Variants in TMEM135 observed in about 807,000 individuals in gnomAD.
The protein encoded by TMEM135 is peroxisomal membrane protein 52.
TMEM135 carries 30 observed loss-of-function variants against 60.3 expected under a neutral mutation model. The ratio of observed to expected loss-of-function variants is 0.50; its 90% CI spans 0.37 to 0.68. TMEM135 has a LOEUF of 0.68. Ranked by LOEUF, TMEM135 falls within the 30% of genes least tolerant of loss-of-function variation. TMEM135 has a pLI of 0.00. For synonymous variants in TMEM135, 190 were observed against 186.7 expected, an observed-to-expected ratio of 1.02 and a Z score of -0.14; for missense variants, 468 against 548.8, an observed-to-expected ratio of 0.85 and a Z score of 1.47.
chr11:87,038,289 G>A, intron 1 of TMEM135, 103 bp downstream of exon 1: 3 of 1,483,840 alleles, frequency 2.0e-6, no homozygotes, highest in Admixed American at 1.8e-5. Context: ...GCCTTGTGTC[G>A]GGCTCTCTTT....
chr11:87,224,134 A>C (rs1940714448), intron 5 of TMEM135, among the ~76,000 whole-genome samples: 1 of 152,242 alleles, frequency 6.6e-6, no homozygotes, highest in South Asian at 2.1e-4. Flanking sequence ...CTAATATGTG[A>C]GTAACGTACT....
intron 3 of TMEM135, among the ~76,000 whole-genome samples, chr11:87,072,484 A>G (rs1280982480): frequency 6.6e-6 from 1 of 152,022 alleles, no homozygotes; most frequent in East Asian, 1.9e-4. Flanking sequence ...GAGTTCAAGC[A>G]ATTCTCCTAT....
chr11:87,208,135 A>G lies in TMEM135; in HGVS notation c.463-28503A>G, dbSNP rs544203532. Reference sequence around the variant, plus strand: ...ACATCAGTGCTCACAGATGAGAAAGAACCAGCCAAGAATTCTGGAAGCTCT... The same window carrying G: ...ACATCAGTGCTCACAGATGAGAAAGGACCAGCCAAGAATTCTGGAAGCTCT... On this transcript the variant is annotated intron_variant, in intron 5 of 14. Coordinates refer to ENST00000305494, the MANE Select transcript of TMEM135 (RefSeq NM_022918.4). 2.2e-3 allele frequency among the ~76,000 whole-genome samples: 337 copies of G among 152,330 alleles called. 1 individual carries two copies. The highest frequency in any genetic ancestry group is 2.9e-3 in the Non-Finnish European group (194 of 68,030).
intron 5 of TMEM135, 42 bp from the exon 6 acceptor site, chr11:87,236,593 ATGT>A (rs2135373695): frequency 1.9e-6 from 3 of 1,561,612 alleles, no homozygotes; most frequent in Non-Finnish European, 2.6e-6. Context: ...TCAAATGGTG[ATGT>A]CAGTGTTCTT....
intron 6 of TMEM135, among the ~76,000 whole-genome samples, chr11:87,261,370 T>C (rs1162053930): frequency 1.3e-5 from 2 of 152,214 alleles, no homozygotes; most frequent in African/African-American, 4.8e-5. Flanking sequence ...CTGTTAATTA[T>C]TTAGTAGATG....
intron 6 of TMEM135, among the ~76,000 whole-genome samples, chr11:87,238,412 C>T (rs973091288): frequency 2.6e-5 from 4 of 151,904 alleles, no homozygotes; most frequent in African/African-American, 7.3e-5. Flanking sequence ...ACATAGATGA[C>T]GAGTCAAGGT....
intron 5 of TMEM135, among the ~76,000 whole-genome samples, chr11:87,196,125 A>G (rs1297886432): frequency 6.6e-6 from 1 of 152,160 alleles, no homozygotes; most frequent in African/African-American, 2.4e-5. Flanking sequence ...AGTTTTTAAA[A>G]TGTTCCTTTA....
chr11:87,236,785 AC>A (rs1235056680), intron 6 of TMEM135, 101 bp downstream of exon 6: 3 of 1,193,422 alleles, frequency 2.5e-6, no homozygotes, highest in African/African-American at 3.0e-5. Context: ...ATTATCCCTT[AC>A]AAGCAGCATA....
rs769384908 is a variant in TMEM135, at chr11:87,327,622, A to G, written c.*6289A>G. The stretch of plus-strand genomic sequence containing the variant: ...CTCATGTGATTGTGGAGGCTGAGAA[A>G]CCCCACCACAGGCCATTCATAACCT... On this transcript the variant is annotated 3_prime_UTR_variant, in exon 15 of 15. Transcript: ENST00000305494. The G allele has an allele frequency of 8.8e-6, 4 of 452,898 alleles. No individual in the cohort carries two copies. The highest frequency in any genetic ancestry group is 6.2e-5 in the South Asian group (4 of 64,394). 28.1% of individuals were successfully genotyped at this position (452,898 alleles called of 1,614,324 possible). A position where few individuals can be genotyped will look rare whatever the true frequency, so the allele number is the denominator to read the frequency against.
intron 5 of TMEM135, among the ~76,000 whole-genome samples, chr11:87,228,782 T>C (rs1940823074): frequency 6.6e-6 from 1 of 152,194 alleles, no homozygotes; most frequent in Non-Finnish European, 1.5e-5. Flanking sequence ...GGATATATGT[T>C]TTAACCACTT....
chr11:87,071,668 A>G lies in TMEM135; in HGVS notation c.362+53A>G, dbSNP rs545868308. The G allele has an allele frequency of 9.5e-6, 13 of 1,373,218 alleles. No individual in the cohort carries two copies. The East Asian group carries it at 2.7e-4, about 29-fold the overall frequency. 85.1% of individuals were successfully genotyped at this position (1,373,218 alleles called of 1,614,324 possible). Reference sequence around the variant, plus strand: ...AACTGATTACCTGTCCCCTACCCCAACTATAATTTTTTTTTTTTTAATTAT... The same window carrying G: ...AACTGATTACCTGTCCCCTACCCCAGCTATAATTTTTTTTTTTTTAATTAT... On this transcript the variant is annotated intron_variant, in intron 3 of 14. Coordinates refer to ENST00000305494, the MANE Select transcript of TMEM135 (RefSeq NM_022918.4).
At position 87,257,843 on chromosome 11, in the gene TMEM135, G is replaced by A. The variant is rs182772964; in HGVS notation, c.509+21159G>A. On this transcript the variant is annotated intron_variant, in intron 6 of 14. Transcript: ENST00000305494. Reference sequence around the variant, plus strand: ...ATACCAGAAACCACTGACTGATACAGTTTAGATAGTGAATTGTATAATATT... The same window carrying A: ...ATACCAGAAACCACTGACTGATACAATTTAGATAGTGAATTGTATAATATT... Among the ~76,000 whole-genome samples the A allele has an allele frequency of 4.4e-3, 662 of 152,002 alleles. 5 individuals are homozygous for A. Among genetic ancestry groups the A allele is most frequent in the Admixed American group, 7.5e-3 (114 of 15,268 alleles).
At chr11:87,054,481 A>G (rs1329842188) in intron 1 of TMEM135, among the ~76,000 whole-genome samples, 9 of 152,208 alleles carry the variant, frequency 5.9e-5, no homozygotes, top group Non-Finnish European at 2.9e-5. Context: ...AATGGACCTT[A>G]AATAATTTAT....
At chr11:87,253,764 G>A (rs1249486649) in intron 6 of TMEM135, among the ~76,000 whole-genome samples, 1 of 148,340 alleles carries the variant, frequency 6.7e-6, no homozygotes, top group East Asian at 2.1e-4. Context: ...CATCAAATTG[G>A]CACTGTGTAA....
At chr11:87,249,918 A>G (rs965844349) in intron 6 of TMEM135, among the ~76,000 whole-genome samples, 34 of 152,064 alleles carry the variant, frequency 2.2e-4, no homozygotes, top group Non-Finnish European at 1.8e-4. Context: ...TCTGCAGTGA[A>G]ACTATCAGGT....
chr11:87,235,542 A>G (rs1449031781), intron 5 of TMEM135, among the ~76,000 whole-genome samples: 2 of 151,926 alleles, frequency 1.3e-5, no homozygotes, highest in African/African-American at 4.8e-5. Context: ...TTGACTAGAA[A>G]TTATTTGTGT....
chr11:87,038,931 C>G (rs1044464894), intron 1 of TMEM135, among the ~76,000 whole-genome samples: 2 of 152,106 alleles, frequency 1.3e-5, no homozygotes. Context: ...ATTAAAGATG[C>G]TCTTAAATGT....
chr11:87,202,860 G>A (rs1940147252), intron 5 of TMEM135, among the ~76,000 whole-genome samples: 2 of 150,732 alleles, frequency 1.3e-5, no homozygotes, highest in South Asian at 2.1e-4. Context: ...GTGAAACCCC[G>A]TCTCTACTAA....
At chr11:87,284,010 AT>A (rs1401355329) in intron 6 of TMEM135, among the ~76,000 whole-genome samples, 1 of 152,202 alleles carries the variant, frequency 6.6e-6, no homozygotes, top group Non-Finnish European at 1.5e-5. Context: ...TTGGTTCAGA[AT>A]TGTGATTATA....
Sources: allele counts gnomAD v4.1 joint callset (sites outside exome capture counted in the v4.1 genomes callset), GRCh38; gene constraint gnomAD v4.1.1; transcripts MANE v1.5; gene names NCBI Gene and HGNC (gene_info 2026-07-23, HGNC 2026-07-21).